SNTG2: variants seen among roughly 807,000 people sequenced by gnomAD.
The protein encoded by SNTG2 is gamma-2-syntrophin.
A neutral mutation model predicts 70.9 loss-of-function variants in SNTG2; 74 were observed. That is an observed-to-expected ratio of 1.04 (90% CI 0.86 to 1.27). The LOEUF (loss-of-function observed/expected upper bound fraction) is 1.27, where lower values mean the gene tolerates loss of function less well. Ranked by LOEUF, SNTG2 falls within the 50% of genes most tolerant of loss-of-function variation. The pLI, the probability that SNTG2 is intolerant of heterozygous loss-of-function variation, is 0.00. For synonymous variants in SNTG2, 278 were observed against 273.8 expected, an observed-to-expected ratio of 1.02 and a Z score of -0.15; for missense variants, 717 against 690.7, an observed-to-expected ratio of 1.04 and a Z score of -0.43.
chr2:1,346,460 T>C (rs1660280926), intron 16 of SNTG2: 1 of 152,354 alleles, frequency 6.6e-6, no homozygotes, highest in Admixed American at 6.5e-5. Context: ...GGAAGTCCTG[T>C]TTGTTCTGCA....
At chr2:1,149,145 G>A (rs1669295700) in intron 6 of SNTG2, among the ~76,000 whole-genome samples, 1 of 152,114 alleles carries the variant, frequency 6.6e-6, no homozygotes, top group African/African-American at 2.4e-5. Flanking sequence ...CGCTGGGCAA[G>A]TTGGCAGTTA....
rs2147955434 is a variant in SNTG2, at chr2:1,197,023, A to G, written c.592-12080A>G. ...CACTACAGAAAACCACCAAACTGCA[A>G]TGATAAACAATGAGAGAGAAAGAAA... is the stretch of plus-strand genomic sequence containing the variant. On this transcript the variant is annotated intron_variant, in intron 8 of 16. Transcript: ENST00000308624. Among the ~76,000 whole-genome samples the G allele has an allele frequency of 1.3e-5, 2 of 152,302 alleles. 1 individual carries two copies. The highest frequency in any genetic ancestry group is 4.8e-5 in the African/African-American group (2 of 41,590).
rs371804018 is a variant in SNTG2 at position 1,009,685 on chromosome 2, T to A, written c.72+58617T>A. The stretch of plus-strand genomic sequence containing the variant: ...CCAGGAAGACTGCTGGTTCTGATAC[T>A]GGTGTGGGTCGTGTGTATGGCAGCC... On this transcript the variant is annotated intron_variant, in intron 1 of 16. Coordinates refer to ENST00000308624, the MANE Select transcript of SNTG2 (RefSeq NM_018968.4). 4.1e-5 allele frequency among the ~76,000 whole-genome samples: 5 copies of A among 120,568 alleles called. No individual in the cohort carries two copies. The East Asian group carries it at 6.4e-4, about 15-fold the overall frequency. The allele number at this position is 120,568 out of a possible 152,430, so 79.1% of individuals were successfully genotyped here.
At chr2:1,255,905 T>TATAA (rs796434135) in intron 12 of SNTG2, among the ~76,000 whole-genome samples, 4 of 66,446 alleles carry the variant, frequency 6.0e-5, no homozygotes, top group East Asian at 5.2e-4. Context: ...AATATATATA[T>TATAA]AAATATATAT....
At chr2:988,020 C>G (rs1344647536) in intron 1 of SNTG2, among the ~76,000 whole-genome samples, 1 of 152,244 alleles carries the variant, frequency 6.6e-6, no homozygotes, top group Non-Finnish European at 1.5e-5. Flanking sequence ...CCCTGCTCGC[C>G]ACAGCCCGTC....
At chr2:1,312,899 G>A (rs1681077050) in intron 15 of SNTG2, among the ~76,000 whole-genome samples, 1 of 152,180 alleles carries the variant, frequency 6.6e-6, no homozygotes. Flanking sequence ...AAGACGAAGT[G>A]CAGACTTGCC....
intron 8 of SNTG2, among the ~76,000 whole-genome samples, chr2:1,207,506 C>T (rs945242735): frequency 2.0e-5 from 3 of 152,230 alleles, no homozygotes; most frequent in African/African-American, 7.2e-5. Context: ...TCCATTCCCC[C>T]ATCCCACCTG....
At chr2:1,152,935 C>A (rs1669612974) in intron 6 of SNTG2, among the ~76,000 whole-genome samples, 1 of 152,076 alleles carries the variant, frequency 6.6e-6, no homozygotes, top group African/African-American at 2.4e-5. Flanking sequence ...ACCAGCCTGG[C>A]CAACATGGCA....
At chr2:1,351,796 G>A (rs1321092314) in intron 16 of SNTG2, among the ~76,000 whole-genome samples, 5 of 152,140 alleles carry the variant, frequency 3.3e-5, no homozygotes, top group African/African-American at 9.7e-5. Flanking sequence ...TTCCAGGAAC[G>A]CCAACCCCCA....
At chr2:1,150,695 C>G (rs1443058194) in intron 6 of SNTG2, among the ~76,000 whole-genome samples, 1 of 108,648 alleles carries the variant, frequency 9.2e-6, no homozygotes, top group Non-Finnish European at 1.9e-5. Flanking sequence ...ACGACCCACT[C>G]AGCAGCAAAT....
chr2:981,976 A>G (rs1175714731), intron 1 of SNTG2, among the ~76,000 whole-genome samples: 4 of 152,128 alleles, frequency 2.6e-5, no homozygotes, highest in Admixed American at 6.5e-5. Flanking sequence ...ACAGATGCAC[A>G]CTCACATGCA....
chr2:1,263,052 G>A (rs1469167899), intron 13 of SNTG2: 1 of 152,222 alleles, frequency 6.6e-6, no homozygotes, highest in Non-Finnish European at 1.5e-5. Context: ...CACATTCTTT[G>A]TGAGGCTAAA....
At chr2:1,176,531 A>T (rs1347723798) in intron 8 of SNTG2, among the ~76,000 whole-genome samples, 1 of 152,226 alleles carries the variant, frequency 6.6e-6, no homozygotes, top group African/African-American at 2.4e-5. Flanking sequence ...CTGCACAGCA[A>T]AAACAACTAT....
Position 1,237,897 on chromosome 2 carries a change from G to C in SNTG2, c.729G>C (p.Ala243=), listed in dbSNP as rs375566368. The change falls in exon 10 of 17, where the codon GCG becomes GCC. Residue 243 remains alanine (A), a synonymous_variant. Coordinates refer to ENST00000308624, the MANE Select transcript of SNTG2 (RefSeq NM_018968.4). ...KAGTEKLRWN[A]FEVLALDGVS... is the part of the protein sequence containing the mutation. ...CTCTCTCCCTCCCCAGGTGGAATGC[G>C]TTCGAGGTGCTCGCCCTGGACGGAG... is the stretch of plus-strand genomic sequence containing the variant. The C allele has an allele frequency of 1.6e-5, 26 of 1,601,916 alleles. No individual in the cohort carries two copies. The highest frequency in any genetic ancestry group is 1.6e-4 in the Middle Eastern group (1 of 6,064).
intron 6 of SNTG2, among the ~76,000 whole-genome samples, chr2:1,159,659 C>T (rs1670144170): frequency 6.6e-6 from 1 of 151,948 alleles, no homozygotes; most frequent in Non-Finnish European, 1.5e-5. Context: ...CATGTTGTCA[C>T]CTAAGAATCT....
chr2:1,282,617 A>C (rs1330467278), intron 14 of SNTG2, among the ~76,000 whole-genome samples: 1 of 152,106 alleles, frequency 6.6e-6, no homozygotes, highest in Non-Finnish European at 1.5e-5. Context: ...CATCACTCAC[A>C]ATAACGCCGC....
chr2:1,065,559 G>C (rs1175505105), intron 1 of SNTG2, among the ~76,000 whole-genome samples: 1 of 152,108 alleles, frequency 6.6e-6, no homozygotes, highest in Non-Finnish European at 1.5e-5. Flanking sequence ...GATGATGTTT[G>C]TTATATATGT....
rs148709716 is a variant in SNTG2 at position 1,363,752 on chromosome 2, A to G, written c.1489-3591A>G. ...CTGGTAATACTTGGTTAGAAAATTA[A>G]CCAGACCAGAGATATCATGACTCAG... is the stretch of plus-strand genomic sequence containing the variant. On this transcript the variant is annotated intron_variant, in intron 16 of 16. Coordinates refer to ENST00000308624, the MANE Select transcript of SNTG2 (RefSeq NM_018968.4). 4.7e-4 allele frequency among the ~76,000 whole-genome samples: 72 copies of G among 152,360 alleles called. 2 individuals carry two copies. The East Asian group carries it at 0.014, about 29-fold the overall frequency.
intron 1 of SNTG2, among the ~76,000 whole-genome samples, chr2:964,686 G>T: frequency 6.6e-6 from 1 of 152,288 alleles, no homozygotes; most frequent in Middle Eastern, 3.4e-3. Context: ...GAAGTGCAGG[G>T]TCCTCGAGAC....
Sources: gnomAD v4.1 joint callset for allele counts (sites outside exome capture counted in the v4.1 genomes callset) on GRCh38, gnomAD v4.1.1 for gene constraint, MANE v1.5 for transcripts, NCBI Gene and HGNC (gene_info 2026-07-23, HGNC 2026-07-21) for gene names.